Variants in ME1 observed in about 807,000 individuals in gnomAD.
The protein encoded by ME1 is malic enzyme 1.
A neutral mutation model predicts 66.4 loss-of-function variants in ME1; 74 were observed. The observed-to-expected ratio is 1.11, with a 90% CI of 0.92 to 1.35. The LOEUF (loss-of-function observed/expected upper bound fraction) is 1.35. Among genes scored for constraint, ME1 ranks in the 40% most tolerant of loss-of-function variants. The pLI is 0.00. For missense variants in ME1, 750 were observed against 694.1 expected (o/e 1.08, Z -0.90); for synonymous variants, 251 against 235.6 (o/e 1.07, Z -0.60).
At chr6:83,284,498 A>G (rs1461968025) in intron 6 of ME1, among the ~76,000 whole-genome samples, 1 of 152,192 alleles carries the variant, frequency 6.6e-6, no homozygotes, top group Non-Finnish European at 1.5e-5. Flanking sequence ...AATGCTCGAC[A>G]AAATACTAGC....
At chr6:83,423,070 C>A (rs1459453554) in intron 1 of ME1, among the ~76,000 whole-genome samples, 1 of 151,874 alleles carries the variant, frequency 6.6e-6, no homozygotes, top group African/African-American at 2.4e-5. Context: ...ATTTAAGATT[C>A]TGAAAGTGAA....
In ME1 at chr6:83,399,994, C is replaced by T. The variant is rs146177357; in HGVS notation, c.213-1478G>A. Among the ~76,000 whole-genome samples, 6 of 152,338 alleles carry T rather than the reference C, an allele frequency of 3.9e-5. No individual in the cohort carries two copies. In the East Asian group the frequency reaches 1.2e-3, roughly 29 times the overall value. ...CATTCTCAGACCTCATCTTACCTAT[C>T]AGAATATTTGACACAGGAGATATTC... On this transcript the variant is annotated intron_variant, in intron 2 of 13. Coordinates refer to ENST00000369705, the MANE Select transcript of ME1 (RefSeq NM_002395.6).
At position 83,298,931 on chromosome 6, in the gene ME1, G is replaced by GTTTTTTTTTTT. The variant is rs61055748; in HGVS notation, c.704+16368_704+16378dup. On this transcript the variant is annotated intron_variant, in intron 6 of 13. Coordinates refer to ENST00000369705, the MANE Select transcript of ME1 (RefSeq NM_002395.6). ...TGCTGTTCCATTAGTCTATGTGTCT[G>GTTTTTTTTTTT]TTTTTTTTTTTTTTTTTTTTTTTTT... Among the ~76,000 whole-genome samples the GTTTTTTTTTTT allele has an allele frequency of 5.8e-4, 13 of 22,492 alleles. 1 individual carries two copies. The highest frequency in any genetic ancestry group is 7.0e-4 in the Non-Finnish European group (9 of 12,860). The allele number at this position is 22,492 out of a possible 152,430, so 14.8% of individuals were successfully genotyped here.
chr6:83,305,835 C>T (rs1366588211), intron 6 of ME1, among the ~76,000 whole-genome samples: 1 of 152,188 alleles, frequency 6.6e-6, no homozygotes, highest in East Asian at 1.9e-4. Flanking sequence ...CTAAGTTTGC[C>T]TCTTTAATTA....
intron 9 of ME1, among the ~76,000 whole-genome samples, chr6:83,234,336 C>G (rs1790356707): frequency 6.6e-6 from 1 of 152,144 alleles, no homozygotes; most frequent in Non-Finnish European, 1.5e-5. Context: ...TGATGACCCC[C>G]AGATCCCTAT....
chr6:83,231,460 A>G (rs1790305932), intron 9 of ME1, among the ~76,000 whole-genome samples: 1 of 152,200 alleles, frequency 6.6e-6, no homozygotes, highest in South Asian at 2.1e-4. Flanking sequence ...ACAAAACAGA[A>G]GAAGCAAAAG....
Position 83,346,341 on chromosome 6 carries a change from G to A in ME1, c.439-7C>T. 5.8e-6 allele frequency: 9 copies of A among 1,558,270 alleles called. No homozygotes were observed. Among genetic ancestry groups the A allele is most frequent in the East Asian group, 2.3e-5 (1 of 43,544 alleles). ...CATCAGTCACCACAATGGCCTGGAA[G>A]AAAAAGAAAAATTACCTATTAACAA... is the stretch of plus-strand genomic sequence containing the variant. On this transcript the variant is annotated splice_polypyrimidine_tract_variant and splice_region_variant and intron_variant, in intron 4 of 13. Coordinates refer to ENST00000369705, the MANE Select transcript of ME1 (RefSeq NM_002395.6).
chr6:83,213,035 G>GT (rs572075871), intron 13 of ME1, among the ~76,000 whole-genome samples: 10,519 of 138,622 alleles, frequency 0.076, 892 homozygotes, highest in African/African-American at 0.2. Flanking sequence ...ATTCACACCA[G>GT]TTTTTTTTTT....
chr6:83,271,000 A>G (rs1460216347), intron 6 of ME1, among the ~76,000 whole-genome samples: 1 of 151,690 alleles, frequency 6.6e-6, no homozygotes, highest in East Asian at 1.9e-4. Flanking sequence ...AAATGAAGTA[A>G]AGTTGTGGCT....
chr6:83,235,786 T>C (rs2128525063), intron 9 of ME1, among the ~76,000 whole-genome samples: 1 of 152,302 alleles, frequency 6.6e-6, no homozygotes, highest in East Asian at 1.9e-4. Flanking sequence ...ATAGCAATTT[T>C]TAAGCCAAGA....
chr6:83,275,583 A>G (rs539093580), intron 6 of ME1, among the ~76,000 whole-genome samples: 2 of 118,726 alleles, frequency 1.7e-5, no homozygotes, highest in South Asian at 5.9e-4. Flanking sequence ...CTCCTGCCTC[A>G]GCCTCCCAAG....
intron 3 of ME1, chr6:83,393,368 G>C: frequency 1.2e-6 from 1 of 858,564 alleles, no homozygotes; most frequent in South Asian, 1.5e-5. Context: ...TGCAGCAACA[G>C]GGTGGTGGAC....
chr6:83,304,953 C>T (rs1562475665), intron 6 of ME1, among the ~76,000 whole-genome samples: 1 of 152,120 alleles, frequency 6.6e-6, no homozygotes, highest in Non-Finnish European at 1.5e-5. Flanking sequence ...TAGAACTAAC[C>T]TCTAATTCCT....
At chr6:83,291,600 G>A (rs1018024949) in intron 6 of ME1, among the ~76,000 whole-genome samples, 1 of 151,746 alleles carries the variant, frequency 6.6e-6, no homozygotes, top group Non-Finnish European at 1.5e-5. Flanking sequence ...TATGTGTCTC[G>A]GGTTGCTCTT....
At chr6:83,427,842 G>A (rs1770402143) in intron 1 of ME1, among the ~76,000 whole-genome samples, 1 of 152,024 alleles carries the variant, frequency 6.6e-6, no homozygotes, top group Non-Finnish European at 1.5e-5. Context: ...ACCAAACCCT[G>A]TCTCTATTAA....
At chr6:83,345,446 A>T (rs1438672351) in intron 5 of ME1, among the ~76,000 whole-genome samples, 5 of 152,230 alleles carry the variant, frequency 3.3e-5, no homozygotes, top group African/African-American at 1.2e-4. Flanking sequence ...TTACTTACAG[A>T]TCAAAAGTTA....
chr6:83,366,975 T>C (rs1769111701), intron 3 of ME1, among the ~76,000 whole-genome samples: 2 of 152,166 alleles, frequency 1.3e-5, no homozygotes, highest in African/African-American at 4.8e-5. Context: ...ATGGCAGCTA[T>C]AGTATTACAA....
At chr6:83,360,062 A>G (rs1269200742) in intron 3 of ME1, among the ~76,000 whole-genome samples, 2 of 152,198 alleles carry the variant, frequency 1.3e-5, no homozygotes, top group Non-Finnish European at 2.9e-5. Flanking sequence ...CAATCTGAAA[A>G]TTTCTAGGTC....
At chr6:83,290,055 T>C (rs1583359807) in intron 6 of ME1, among the ~76,000 whole-genome samples, 2 of 152,092 alleles carry the variant, frequency 1.3e-5, no homozygotes, top group East Asian at 3.9e-4. Context: ...GAGGGCTATT[T>C]TGTTGATCTT....
Sources: allele counts gnomAD v4.1 joint callset (sites outside exome capture counted in the v4.1 genomes callset), GRCh38; gene constraint gnomAD v4.1.1; transcripts MANE v1.5; gene names NCBI Gene and HGNC (gene_info 2026-07-23, HGNC 2026-07-21).